The following PRKDC variants were observed in gnomAD, a reference collection of about 807,000 sequenced individuals.
PRKDC encodes protein kinase, DNA-activated, catalytic subunit.
A neutral mutation model predicts 486.9 loss-of-function variants in PRKDC; 82 were observed. The observed-to-expected ratio is 0.17, with a 90% CI of 0.14 to 0.20. The LOEUF is 0.20. Among genes scored for constraint, PRKDC ranks in the 10% least tolerant of loss-of-function variants. The pLI is 1.00. For synonymous variants in PRKDC, 1,895 were observed against 1,837.0 expected (o/e 1.03, Z -0.81); for missense variants, 4,504 against 5,038.2 (o/e 0.89, Z 3.21).
At position 47,834,204 on chromosome 8, in the gene PRKDC, T is replaced by C; in HGVS notation, c.8144A>G (p.Lys2715Arg). 1.2e-6 allele frequency: 2 copies of C among 1,614,058 alleles called. No homozygotes were observed. Among genetic ancestry groups the C allele is most frequent in the African/African-American group, 1.3e-5 (1 of 75,062 alleles). Residue 2715 changes from lysine to arginine, a missense_variant, in exon 59 of 86, where the codon AAA (lysine) becomes AGA (arginine). Physicochemically the swap from Lys to Arg is conservative, Grantham distance 26. Coordinates refer to ENST00000314191, the MANE Select transcript of PRKDC (RefSeq NM_006904.7). The part of the protein sequence containing the change: ...LGLPGDEVDN[K>R]VKGAAGRTDL... The stretch of plus-strand genomic sequence containing the variant: ...TCAGCAACCCAGCTTACCTTTCACT[T>C]TGTTATCCACCTCGTCCCCTGGAAG...
chr8:47,849,362 C>T lies in PRKDC; in HGVS notation c.7130+17G>A. 4 of 1,613,898 alleles carry T rather than the reference C, an allele frequency of 2.5e-6. No homozygotes were observed. Among genetic ancestry groups the T allele is most frequent in the Non-Finnish European group, 2.5e-6 (3 of 1,179,844 alleles). ...GAGGACCCTCCTGCCCCGAAAGGAT[C>T]CCTGGACAGCCCATACCTGTCTGCA... On this transcript the variant is annotated intron_variant, in intron 53 of 85. Coordinates refer to ENST00000314191, the MANE Select transcript of PRKDC (RefSeq NM_006904.7).
Position 47,886,161 on chromosome 8 carries a change from A to C in PRKDC, c.4573-14T>G, listed in dbSNP as rs772882855. 6.3e-7 allele frequency: 1 copy of C among 1,577,078 alleles called. No individual in the cohort carries two copies. Among genetic ancestry groups the C allele is most frequent in the East Asian group, 2.2e-5 (1 of 44,494 alleles). ...AAGGCGCTCACACTGGGAAAAAGAA[A>C]GGAGAAGTACCATAACTGGGGCACA... On this transcript the variant is annotated splice_polypyrimidine_tract_variant and intron_variant, in intron 35 of 85. Coordinates refer to ENST00000314191, the MANE Select transcript of PRKDC (RefSeq NM_006904.7).
At chr8:47,924,323 C>T (rs1476672397) in intron 21 of PRKDC, among the ~76,000 whole-genome samples, 1 of 152,018 alleles carries the variant, frequency 6.6e-6, no homozygotes. Context: ...CTTTGGGAGG[C>T]CGAGGTGGGC....
chr8:47,916,262 A>C (rs928621134), intron 22 of PRKDC, among the ~76,000 whole-genome samples: 1 of 151,968 alleles, frequency 6.6e-6, no homozygotes, highest in Admixed American at 6.5e-5. Flanking sequence ...CCTTTCACCA[A>C]CATGGTGAAA....
intron 46 of PRKDC, among the ~76,000 whole-genome samples, chr8:47,859,281 A>G (rs1048767171): frequency 1.3e-5 from 2 of 151,732 alleles, no homozygotes; most frequent in Non-Finnish European, 2.9e-5. Flanking sequence ...ATCTATGGTC[A>G]CTCCTCAGGG....
In PRKDC at chr8:47,778,984, A is replaced by G; in HGVS notation, c.11579+20T>C. 6.4e-7 allele frequency: 1 copy of G among 1,551,596 alleles called. No homozygotes were observed. Among genetic ancestry groups the G allele is most frequent in the Non-Finnish European group, 8.7e-7 (1 of 1,146,402 alleles). ...AAGAATGAACTAACTAATACAAAGAAAAATCAAAACCAAACTTACTTATAC... is the reference window on the plus strand; with the variant it reads ...AAGAATGAACTAACTAATACAAAGAGAAATCAAAACCAAACTTACTTATAC... On this transcript the variant is annotated intron_variant, in intron 81 of 85. Coordinates refer to ENST00000314191, the MANE Select transcript of PRKDC (RefSeq NM_006904.7).
At chr8:47,786,398 C>A (rs954920795) in intron 76 of PRKDC, among the ~76,000 whole-genome samples, 1 of 152,038 alleles carries the variant, frequency 6.6e-6, no homozygotes, top group Non-Finnish European at 1.5e-5. Flanking sequence ...GGCGACAGAT[C>A]GAGACTCAGT....
chr8:47,938,444 AAAG>A (rs765758241), intron 11 of PRKDC, among the ~76,000 whole-genome samples: 6 of 151,982 alleles, frequency 3.9e-5, no homozygotes, highest in Admixed American at 6.6e-5. Flanking sequence ...AGAAAAAAAG[AAAG>A]AAGAAAAAAA....
chr8:47,881,782 C>A (rs982863013), intron 37 of PRKDC, 130 bp downstream of exon 37: 6 of 808,966 alleles, frequency 7.4e-6, no homozygotes, highest in Non-Finnish European at 1.1e-5. Context: ...ATATAAGCAA[C>A]CATCCTGTCA....
chr8:47,915,738 G>A (rs538066391), intron 22 of PRKDC, among the ~76,000 whole-genome samples: 2 of 152,332 alleles, frequency 1.3e-5, no homozygotes, highest in South Asian at 2.1e-4. Flanking sequence ...GGGCAAAGTG[G>A]CCATTCCACA....
chr8:47,901,894 T>C (rs911365339), intron 27 of PRKDC, among the ~76,000 whole-genome samples: 8 of 152,150 alleles, frequency 5.3e-5, no homozygotes, highest in Non-Finnish European at 1.0e-4. Flanking sequence ...CCACTTGTCT[T>C]TTACCTTGGA....
rs45556639 is a variant in PRKDC, at chr8:47,898,372, C to T, written c.3464+98G>A. 4.7e-3 allele frequency: 4,503 copies of T among 962,808 alleles called. 12 individuals are homozygous for T. Among genetic ancestry groups the T allele is most frequent in the Non-Finnish European group, 6.0e-3 (3,829 of 638,000 alleles). 59.6% of individuals were successfully genotyped at this position (962,808 alleles called of 1,614,324 possible). A position where few individuals can be genotyped will look rare whatever the true frequency, so the allele number is the denominator to read the frequency against. ...CACATTCCTTGTTTAGGAAGTAATT[C>T]CTTATACTTCCACAGATCCATCCCA... On this transcript the variant is annotated intron_variant, in intron 29 of 85. Coordinates refer to ENST00000314191, the MANE Select transcript of PRKDC (RefSeq NM_006904.7).
chr8:47,921,157 C>T (rs540788215), intron 21 of PRKDC, among the ~76,000 whole-genome samples: 19 of 151,606 alleles, frequency 1.3e-4, no homozygotes, highest in East Asian at 5.8e-4. Flanking sequence ...CGGGAGGCTG[C>T]GGCAGGAGAA....
At chr8:47,954,590 G>A (rs2090673693) in intron 4 of PRKDC, 144 bp from the exon 5 acceptor site, 2 of 364,944 alleles carry the variant, frequency 5.5e-6, no homozygotes. Context: ...TCAGAATTAG[G>A]TGTGTCTCAA....
intron 27 of PRKDC, among the ~76,000 whole-genome samples, chr8:47,901,518 A>T (rs960031285): frequency 6.6e-6 from 1 of 152,150 alleles, no homozygotes; most frequent in Non-Finnish European, 1.5e-5. Context: ...ACCATGAAAC[A>T]ACCTAAAACA....
At chr8:47,809,523 G>C (rs533372542) in intron 68 of PRKDC, among the ~76,000 whole-genome samples, 1 of 152,300 alleles carries the variant, frequency 6.6e-6, no homozygotes, top group East Asian at 1.9e-4. Flanking sequence ...GGCTGTGAAG[G>C]GTGCATGCAA....
chr8:47,914,086 G>A (rs909059651), intron 23 of PRKDC, 22 bp from the exon 24 acceptor site: 13 of 1,426,424 alleles, frequency 9.1e-6, no homozygotes, highest in African/African-American at 1.5e-5. Context: ...GATTTAAGAA[G>A]AATGAAACAC....
At chr8:47,774,506 C>T (rs1025084799) in intron 85 of PRKDC, 129 bp from the exon 86 acceptor site, 2 of 896,192 alleles carry the variant, frequency 2.2e-6, no homozygotes, top group Non-Finnish European at 3.3e-6. Flanking sequence ...TGGCTTATAA[C>T]CTTGAAGTCA....
Position 47,834,262 on chromosome 8 carries a change from C to G in PRKDC, c.8086G>C (p.Val2696Leu). ...ERLQRAPLKS[V>L]GPDFGKKRLG... is the part of the protein sequence containing the mutation. Reference sequence around the variant, plus strand: ...CTTTTTTTCCCAAAATCAGGCCCCACTGACTTCAAGGGTGCTCTCTGTAAC... The same window carrying G: ...CTTTTTTTCCCAAAATCAGGCCCCAGTGACTTCAAGGGTGCTCTCTGTAAC... The change falls in exon 59 of 86, where the codon GTG (valine) becomes CTG (leucine). Residue 2696 changes from valine (V) to leucine (L), a missense_variant. By Grantham distance (32) the Val-to-Leu change is conservative (BLOSUM62 1). This residue lies in a region of PRKDC where 1,592 missense variants were observed against 1,724.6 expected (regional missense o/e 0.92). Transcript: ENST00000314191. The G allele has an allele frequency of 6.2e-7, 1 of 1,614,048 alleles. No individual in the cohort carries two copies. Among genetic ancestry groups the G allele is most frequent in the Non-Finnish European group, 8.5e-7 (1 of 1,179,896 alleles).
Sources: gnomAD v4.1 joint callset for allele counts (sites outside exome capture counted in the v4.1 genomes callset) on GRCh38, gnomAD v4.1.1 for gene constraint, gnomAD v4.1.1 regional missense constraint, MANE v1.5 for transcripts, NCBI Gene and HGNC (gene_info 2026-07-23, HGNC 2026-07-21) for gene names.